DAPK1: variants seen among roughly 807,000 people sequenced by gnomAD.
The protein encoded by DAPK1 is death associated protein kinase 1.
A neutral mutation model predicts 144.9 loss-of-function variants in DAPK1; 56 were observed. That is an observed-to-expected ratio of 0.39 (90% CI 0.31 to 0.48). The LOEUF is 0.48. DAPK1 is among the 20% of genes least tolerant of loss of function. The probability of loss-of-function intolerance (pLI) is 0.95; values close to 1 mark genes in which losing one functional copy is unlikely to be tolerated. For synonymous variants in DAPK1, 690 were observed against 749.0 expected, an observed-to-expected ratio of 0.92 and a Z score of 1.29; for missense variants, 1,454 against 1,875.4, an observed-to-expected ratio of 0.78 and a Z score of 4.15.
intron 3 of DAPK1, among the ~76,000 whole-genome samples, chr9:87,611,921 G>A (rs114411357): frequency 0.023 from 3,432 of 152,256 alleles, 138 homozygotes; most frequent in African/African-American, 0.079. Context: ...TTCATTTTGG[G>A]TTTTGCAATA....
In DAPK1 at chr9:87,645,837, G is replaced by C. The variant is rs534497505; in HGVS notation, c.1012-58G>C. 2.5e-6 allele frequency: 4 copies of C among 1,594,184 alleles called. No homozygotes were observed. In the Admixed American group the frequency reaches 7.0e-5, roughly 28 times the overall value. ...GTGAGCACAGGTTTCTTTTATGTTG[G>C]TAAGAAAAGCATGGCTAGCAATGTA... On this transcript the variant is annotated intron_variant, in intron 11 of 25. Transcript: ENST00000408954.
chr9:87,705,628 C>G (rs1442236222), intron 25 of DAPK1, among the ~76,000 whole-genome samples: 1 of 152,040 alleles, frequency 6.6e-6, no homozygotes, highest in African/African-American at 2.4e-5. Flanking sequence ...ACATTTCTTC[C>G]CTAAATAATT....
In DAPK1 at chr9:87,686,516, C is replaced by A. The variant is rs755898000; in HGVS notation, c.2225-35C>A. On this transcript the variant is annotated intron_variant, in intron 20 of 25. Transcript: ENST00000408954. The surrounding 1 kb of genome is among the most constrained non-coding windows in gnomAD (Gnocchi z 4.2). ...GAGGGAGACAGGCACACGCTGCCCCCATCGAGTACTCATGTGATCCTTTCC... is the reference window on the plus strand; with the variant it reads ...GAGGGAGACAGGCACACGCTGCCCCAATCGAGTACTCATGTGATCCTTTCC... 35 of 1,250,962 alleles carry A rather than the reference C, an allele frequency of 2.8e-5. No homozygotes were observed. The highest frequency in any genetic ancestry group is 4.0e-5 in the Non-Finnish European group (35 of 875,264). The allele number at this position is 1,250,962 out of a possible 1,614,324, so 77.5% of individuals were successfully genotyped here.
intron 2 of DAPK1, among the ~76,000 whole-genome samples, chr9:87,569,226 A>G (rs13284234): frequency 0.28 from 42,073 of 151,972 alleles, 6,228 homozygotes; most frequent in East Asian, 0.49. Context: ...CCCCTCCCCC[A>G]CTGACGATGG....
intron 18 of DAPK1, among the ~76,000 whole-genome samples, chr9:87,661,720 G>A (rs537908163): frequency 6.6e-6 from 1 of 152,238 alleles, no homozygotes; most frequent in South Asian, 2.1e-4. Flanking sequence ...GGTACATTCT[G>A]GATGTTAGTT....
At position 87,684,495 on chromosome 9, in the gene DAPK1, G is replaced by C. The variant is rs559615367; in HGVS notation, c.2225-2056G>C. On this transcript the variant is annotated intron_variant, in intron 20 of 25. Transcript: ENST00000408954. The stretch of plus-strand genomic sequence containing the variant: ...TTTAGAATTTTGGCCCTTTTCCACT[G>C]CCGTTCTCTTGAGAACGCTGGAGGC... 5.3e-5 allele frequency among the ~76,000 whole-genome samples: 8 copies of C among 152,314 alleles called. No homozygotes were observed. In the South Asian group the frequency reaches 1.7e-3, roughly 32 times the overall value.
Position 87,686,842 on chromosome 9 carries a change from A to G in DAPK1, c.2413+103A>G. On this transcript the variant is annotated intron_variant, in intron 21 of 25. Coordinates refer to ENST00000408954, the MANE Select transcript of DAPK1 (RefSeq NM_004938.4). The surrounding 1 kb of genome is among the most constrained non-coding windows in gnomAD (Gnocchi z 4.2). ...GTCCTGAGCTGTATCTGTCACTTCCAGAAGGAAATCCAACACAGACTGATA... is the reference window on the plus strand; with the variant it reads ...GTCCTGAGCTGTATCTGTCACTTCCGGAAGGAAATCCAACACAGACTGATA... 7.0e-7 allele frequency: 1 copy of G among 1,421,906 alleles called. No individual in the cohort carries two copies. Among genetic ancestry groups the G allele is most frequent in the Non-Finnish European group, 9.4e-7 (1 of 1,066,742 alleles). The allele number at this position is 1,421,906 out of a possible 1,614,324, so 88.1% of individuals were successfully genotyped here.
intron 2 of DAPK1, among the ~76,000 whole-genome samples, chr9:87,580,607 A>C (rs1242977994): frequency 6.6e-6 from 1 of 152,122 alleles, no homozygotes; most frequent in East Asian, 1.9e-4. Flanking sequence ...AGTTCTTTGG[A>C]TATTGAGCAC....
At chr9:87,529,913 T>C (rs1825644842) in intron 2 of DAPK1, among the ~76,000 whole-genome samples, 1 of 152,336 alleles carries the variant, frequency 6.6e-6, no homozygotes, top group East Asian at 1.9e-4. Context: ...TTCATAAGAA[T>C]GCTTGGTGCA....
intron 19 of DAPK1, among the ~76,000 whole-genome samples, chr9:87,679,551 A>G (rs149235173): frequency 2.0e-5 from 3 of 152,168 alleles, no homozygotes; most frequent in Non-Finnish European, 4.4e-5. Flanking sequence ...CGCCTTGCCT[A>G]CACTATCCTG....
At chr9:87,674,300 A>G (rs1296518424) in intron 19 of DAPK1, among the ~76,000 whole-genome samples, 1 of 151,964 alleles carries the variant, frequency 6.6e-6, no homozygotes, top group Non-Finnish European at 1.5e-5. Flanking sequence ...GTAGTTGAAA[A>G]CCAGCCTGGC....
chr9:87,499,370 G>T, intron 2 of DAPK1: 1 of 503,740 alleles, frequency 2.0e-6, no homozygotes, highest in Non-Finnish European at 3.6e-6. Context: ...ACAGTATATT[G>T]ATCCAGTCCC....
chr9:87,648,480 A>G (rs1830339608), intron 14 of DAPK1: 1 of 325,018 alleles, frequency 3.1e-6, no homozygotes, highest in Non-Finnish European at 5.6e-6. Context: ...TCACACAGCT[A>G]GAAGTATCAG....
intron 2 of DAPK1, among the ~76,000 whole-genome samples, chr9:87,561,451 G>A (rs10868635): frequency 0.22 from 33,765 of 151,846 alleles, 4,410 homozygotes; most frequent in Non-Finnish European, 0.3. Flanking sequence ...GCGTGAACCC[G>A]GGAGGCGGAG....
chr9:87,595,355 T>A (rs536032836), intron 2 of DAPK1, among the ~76,000 whole-genome samples: 3 of 152,258 alleles, frequency 2.0e-5, no homozygotes, highest in Admixed American at 2.0e-4. Flanking sequence ...CCAAGCAGCA[T>A]CTCTTTATAT....
At chr9:87,633,437 A>G in intron 3 of DAPK1, 1 of 960,664 alleles carries the variant, frequency 1.0e-6, no homozygotes. Flanking sequence ...GGACTCTCCT[A>G]ACCTTTCTAA....
chr9:87,605,311 C>A, intron 3 of DAPK1, 136 bp downstream of exon 3: 1 of 698,374 alleles, frequency 1.4e-6, no homozygotes, highest in Non-Finnish European at 2.4e-6. Context: ...TGTGTGAGAA[C>A]AATGCCGTGC....
intron 2 of DAPK1, among the ~76,000 whole-genome samples, chr9:87,558,568 C>T (rs926718087): frequency 6.6e-6 from 1 of 152,158 alleles, no homozygotes. Context: ...TCATTGCACA[C>T]CAACGTCCCT....
rs541513613 is a variant in DAPK1 at position 87,653,196 on chromosome 9, A to T, written c.1824+1472A>T. 1.9e-4 allele frequency among the ~76,000 whole-genome samples: 28 copies of T among 149,086 alleles called. 1 individual carries two copies. Among genetic ancestry groups the T allele is most frequent in the South Asian group, 6.5e-4 (3 of 4,642 alleles). ...TCCTGATTCTGTGTCCATCCCCCCG[A>T]TCCCGGGTCCTGATTCTGTGTTCTG... is the stretch of plus-strand genomic sequence containing the variant. On this transcript the variant is annotated intron_variant, in intron 17 of 25. Coordinates refer to ENST00000408954, the MANE Select transcript of DAPK1 (RefSeq NM_004938.4).
Sources: allele counts gnomAD v4.1 joint callset (sites outside exome capture counted in the v4.1 genomes callset), GRCh38; gene constraint gnomAD v4.1.1; non-coding constraint Gnocchi (gnomAD v3.1); transcripts MANE v1.5; gene names NCBI Gene and HGNC (gene_info 2026-07-23, HGNC 2026-07-21).